Variants in GRM7 observed in about 807,000 individuals in gnomAD.
GRM7 encodes the protein metabotropic glutamate receptor 7.
A neutral mutation model predicts 84.5 loss-of-function variants in GRM7; 35 were observed. The ratio of observed to expected loss-of-function variants is 0.41; its 90% CI spans 0.32 to 0.55. The LOEUF (loss-of-function observed/expected upper bound fraction) is 0.55, where lower values mean the gene tolerates loss of function less well. Among genes scored for constraint, GRM7 ranks in the 20% least tolerant of loss-of-function variants. The probability of loss-of-function intolerance (pLI) is 0.19; values close to 1 mark genes in which losing one functional copy is unlikely to be tolerated. For missense variants in GRM7, 1,003 were observed against 1,194.6 expected, an observed-to-expected ratio of 0.84 and a Z score of 2.36; for synonymous variants, 487 against 455.1, an observed-to-expected ratio of 1.07 and a Z score of -0.89.
At chr3:7,499,924 G>A (rs575047591) in intron 7 of GRM7, among the ~76,000 whole-genome samples, 15 of 152,074 alleles carry the variant, frequency 9.9e-5, no homozygotes, top group African/African-American at 2.4e-4. Context: ...ACAGGTGCCC[G>A]TCACCACGCC....
chr3:7,176,009 G>A (rs763456880), intron 2 of GRM7, among the ~76,000 whole-genome samples: 6 of 151,900 alleles, frequency 3.9e-5, no homozygotes, highest in South Asian at 2.1e-4. Context: ...CACCTGCATC[G>A]TTACATACAA....
At chr3:7,693,530 C>G (rs991374177) in intron 9 of GRM7, 90 of 736,284 alleles carry the variant, frequency 1.2e-4, no homozygotes, top group Non-Finnish European at 2.1e-4. Flanking sequence ...GACCTTAATT[C>G]CTCTTTCCCT....
chr3:7,489,650 CTCA>C (rs1444715733), intron 7 of GRM7, among the ~76,000 whole-genome samples: 1 of 152,100 alleles, frequency 6.6e-6, no homozygotes, highest in Non-Finnish European at 1.5e-5. Flanking sequence ...AGTAGCATGA[CTCA>C]TCATTTTGTG....
intron 1 of GRM7, among the ~76,000 whole-genome samples, chr3:7,113,037 C>T (rs1299168421): frequency 6.6e-6 from 1 of 152,008 alleles, no homozygotes. Context: ...AGTAATGAAA[C>T]ATAGACTGAT....
intron 1 of GRM7, among the ~76,000 whole-genome samples, chr3:7,069,552 T>C (rs1697789150): frequency 6.6e-6 from 1 of 152,084 alleles, no homozygotes; most frequent in Admixed American, 6.6e-5. Context: ...GAATATCCAA[T>C]GACATCAATG....
intron 2 of GRM7, among the ~76,000 whole-genome samples, chr3:7,191,942 A>G (rs1242149203): frequency 6.6e-6 from 1 of 152,126 alleles, no homozygotes; most frequent in African/African-American, 2.4e-5. Flanking sequence ...ATTTCTTACC[A>G]GGTACATCCG....
intron 8 of GRM7, among the ~76,000 whole-genome samples, chr3:7,631,664 A>G (rs1413435050): frequency 6.6e-6 from 1 of 152,118 alleles, no homozygotes; most frequent in East Asian, 1.9e-4. Context: ...GGGAAGGAGA[A>G]CCATCCTGTG....
At chr3:7,276,785 T>TCCTCCCTCCCTCCTC (rs1385259133) in intron 2 of GRM7, among the ~76,000 whole-genome samples, 7 of 62,756 alleles carry the variant, frequency 1.1e-4, no homozygotes, top group East Asian at 4.9e-4. Context: ...CTTCCTTCCT[T>TCCTCCCTCCCTCCTC]CCTTCCTTCC....
intron 4 of GRM7, among the ~76,000 whole-genome samples, chr3:7,354,926 C>T (rs1050208389): frequency 2.6e-5 from 4 of 152,194 alleles, no homozygotes; most frequent in African/African-American, 9.6e-5. Context: ...ATCAACTCTT[C>T]AGCTCTCTGT....
At chr3:7,147,272 T>C (rs1574960669) in intron 2 of GRM7, among the ~76,000 whole-genome samples, 1 of 152,324 alleles carries the variant, frequency 6.6e-6, no homozygotes, top group Admixed American at 6.5e-5. Context: ...AGTAATGGGT[T>C]CAAATGTTTG....
chr3:6,986,431 GA>G (rs1362193548), intron 1 of GRM7, among the ~76,000 whole-genome samples: 1 of 152,004 alleles, frequency 6.6e-6, no homozygotes, highest in Non-Finnish European at 1.5e-5. Flanking sequence ...AAACAAAAAT[GA>G]AAAAACCTCA....
At chr3:6,953,586 C>A (rs931685214) in intron 1 of GRM7, among the ~76,000 whole-genome samples, 2 of 152,208 alleles carry the variant, frequency 1.3e-5, no homozygotes, top group African/African-American at 4.8e-5. Flanking sequence ...GAGCCTTCTT[C>A]TTTTGTATAA....
At chr3:6,936,759 G>A (rs115767438) in intron 1 of GRM7, among the ~76,000 whole-genome samples, 1,738 of 152,226 alleles carry the variant, frequency 0.011, 35 homozygotes, top group African/African-American at 0.039. Flanking sequence ...TTTAATGGCA[G>A]CCTAGTAATC....
chr3:7,604,353 A>C (rs1242097959), intron 8 of GRM7, among the ~76,000 whole-genome samples: 1 of 152,188 alleles, frequency 6.6e-6, no homozygotes, highest in Admixed American at 6.6e-5. Context: ...GGAAGTTTTC[A>C]TGAGGATTCT....
chr3:6,938,455 T>C (rs1697769219), intron 1 of GRM7, among the ~76,000 whole-genome samples: 1 of 152,170 alleles, frequency 6.6e-6, no homozygotes, highest in African/African-American at 2.4e-5. Flanking sequence ...GGAGCTACAG[T>C]CCGGTAAAAT....
intron 1 of GRM7, among the ~76,000 whole-genome samples, chr3:7,133,624 T>G (rs1693675002): frequency 6.6e-6 from 1 of 152,348 alleles, no homozygotes; most frequent in East Asian, 1.9e-4. Flanking sequence ...TAAGCCAAAC[T>G]TCTATGTATG....
At chr3:7,607,432 A>C (rs1044739977) in intron 8 of GRM7, 8 of 152,190 alleles carry the variant, frequency 5.3e-5, no homozygotes, top group African/African-American at 1.9e-4. Flanking sequence ...AAGTAGTTAA[A>C]GAGTATAAAG....
intron 2 of GRM7, among the ~76,000 whole-genome samples, chr3:7,275,825 A>G (rs1336674346): frequency 6.6e-6 from 1 of 152,066 alleles, no homozygotes; most frequent in Non-Finnish European, 1.5e-5. Flanking sequence ...CCAGAAGGTA[A>G]AACCCACAAA....
chr3:7,299,749 G>T (rs1346100591), intron 3 of GRM7, among the ~76,000 whole-genome samples: 1 of 152,020 alleles, frequency 6.6e-6, no homozygotes, highest in Non-Finnish European at 1.5e-5. Context: ...CTTCTACTCA[G>T]TATTCAATAG....
Sources: allele counts gnomAD v4.1 joint callset (sites outside exome capture counted in the v4.1 genomes callset), GRCh38; gene constraint gnomAD v4.1.1; transcripts MANE v1.5; gene names NCBI Gene and HGNC (gene_info 2026-07-23, HGNC 2026-07-21).